Variants in ZNF407 observed in about 807,000 individuals in gnomAD.
The protein encoded by ZNF407 is zinc finger protein 407.
ZNF407 carries 17 observed loss-of-function variants against 131.2 expected under a neutral mutation model. The observed-to-expected ratio is 0.13, with a 90% CI of 0.09 to 0.19. The LOEUF (loss-of-function observed/expected upper bound fraction) is 0.19. Among genes scored for constraint, ZNF407 ranks in the 10% least tolerant of loss-of-function variants. The probability of loss-of-function intolerance (pLI) is 1.00; values close to 1 mark genes in which losing one functional copy is unlikely to be tolerated. For synonymous variants in ZNF407, 1,156 were observed against 1,062.0 expected, an observed-to-expected ratio of 1.09 and a Z score of -1.72; for missense variants, 2,681 against 2,830.6, an observed-to-expected ratio of 0.95 and a Z score of 1.20.
intron 4 of ZNF407, among the ~76,000 whole-genome samples, chr18:74,836,621 C>T (rs763997023): frequency 3.2e-4 from 48 of 152,224 alleles, no homozygotes; most frequent in Non-Finnish European, 6.6e-4. Context: ...TAACCTTCCT[C>T]ATTTTTTACA....
At chr18:74,821,182 C>A (rs1480312222) in intron 4 of ZNF407, among the ~76,000 whole-genome samples, 1 of 151,588 alleles carries the variant, frequency 6.6e-6, no homozygotes, top group Non-Finnish European at 1.5e-5. Flanking sequence ...ATGCCAAAAA[C>A]CGCAGTTACT....
At chr18:74,851,781 C>A (rs148781869) in intron 4 of ZNF407, among the ~76,000 whole-genome samples, 250 of 152,316 alleles carry the variant, frequency 1.6e-3, no homozygotes, top group Middle Eastern at 0.014. Flanking sequence ...AGGACACAAT[C>A]AGCAAGAGTG....
chr18:74,686,055 C>T (rs956096098), intron 3 of ZNF407, among the ~76,000 whole-genome samples: 2 of 152,202 alleles, frequency 1.3e-5, no homozygotes, highest in Non-Finnish European at 2.9e-5. Flanking sequence ...CAATCAAATG[C>T]GTTACATATA....
At position 74,877,271 on chromosome 18, in the gene ZNF407, C is replaced by T. The variant is rs776164748; in HGVS notation, c.4952C>T (p.Thr1651Met). The T allele has an allele frequency of 3.1e-5, 50 of 1,613,840 alleles. No individual in the cohort carries two copies. The highest frequency in any genetic ancestry group is 6.7e-5 in the Admixed American group (4 of 60,014). ...CTGAACAACCACATGAAACTCCACA[C>T]GGGAGAAAAGCCGTTTAAATGTACC... ...WALNNHMKLH[T>M]GEKPFKCTWP... The change falls in exon 5 of 9, where the codon ACG becomes ATG. Residue 1651 changes from threonine (T) to methionine (M), a missense_variant. Around this residue, in one of 6 missense-constraint regions of ZNF407, gnomAD observed 213 missense variants for 332.2 expected, o/e 0.64. Transcript: ENST00000299687.
intron 7 of ZNF407, among the ~76,000 whole-genome samples, chr18:74,918,693 G>A (rs1321988102): frequency 6.6e-6 from 1 of 151,974 alleles, no homozygotes; most frequent in African/African-American, 2.4e-5. Context: ...GAAAATATCT[G>A]TTGTTCTAGT....
At chr18:74,736,759 G>A (rs1025203526) in intron 3 of ZNF407, among the ~76,000 whole-genome samples, 6 of 152,088 alleles carry the variant, frequency 3.9e-5, no homozygotes, top group Non-Finnish European at 7.4e-5. Context: ...TTCTGCAGCC[G>A]ATCTAAATAC....
intron 3 of ZNF407, among the ~76,000 whole-genome samples, chr18:74,755,557 T>TTCCTTCCTTCC (rs1968914491): frequency 1.6e-4 from 1 of 6,162 alleles, no homozygotes; most frequent in Non-Finnish European, 3.7e-4. Context: ...CCCTTCCTTC[T>TTCCTTCCTTCC]TCCTTCCTTC....
At chr18:74,937,676 A>G (rs774446576) in intron 8 of ZNF407, among the ~76,000 whole-genome samples, 15 of 152,226 alleles carry the variant, frequency 9.9e-5, no homozygotes, top group Non-Finnish European at 1.9e-4. Context: ...AGTTTTATGT[A>G]TGAAAACTCA....
chr18:74,648,964 C>T (rs1375930037), intron 3 of ZNF407, among the ~76,000 whole-genome samples: 1 of 152,182 alleles, frequency 6.6e-6, no homozygotes, highest in Non-Finnish European at 1.5e-5. Context: ...AGTGTTCTCC[C>T]TCCGCACCCT....
chr18:74,877,839 G>A (rs1971180985), intron 5 of ZNF407, among the ~76,000 whole-genome samples: 1 of 152,148 alleles, frequency 6.6e-6, no homozygotes, highest in South Asian at 2.1e-4. Context: ...TTTTTCTTCT[G>A]AGGAGGATAC....
At chr18:74,767,209 G>A (rs1969254238) in intron 3 of ZNF407, among the ~76,000 whole-genome samples, 1 of 152,146 alleles carries the variant, frequency 6.6e-6, no homozygotes, top group Non-Finnish European at 1.5e-5. Flanking sequence ...ACCGTGCCTG[G>A]TCCTGACTTC....
intron 3 of ZNF407, among the ~76,000 whole-genome samples, chr18:74,702,668 A>G (rs1967526840): frequency 6.6e-6 from 1 of 152,160 alleles, no homozygotes; most frequent in Non-Finnish European, 1.5e-5. Context: ...TGGTTTATCA[A>G]TCAGAAGCAG....
chr18:74,883,338 CT>C (rs577246538), intron 6 of ZNF407, among the ~76,000 whole-genome samples: 15 of 152,278 alleles, frequency 9.9e-5, no homozygotes, highest in Admixed American at 9.1e-4. Flanking sequence ...AACACACAAC[CT>C]TTTTCCCCCA....
chr18:74,879,108 A>C (rs1048989833), intron 5 of ZNF407, among the ~76,000 whole-genome samples: 1 of 152,188 alleles, frequency 6.6e-6, no homozygotes, highest in Non-Finnish European at 1.5e-5. Context: ...GGAAAGGAAT[A>C]AAAATATATA....
intron 1 of ZNF407, among the ~76,000 whole-genome samples, chr18:74,629,967 A>G (rs2144657259): frequency 6.6e-6 from 1 of 152,256 alleles, no homozygotes; most frequent in Middle Eastern, 3.4e-3. Context: ...TTTGCCATTA[A>G]CCTTCAGACA....
chr18:74,673,899 C>T (rs986989779), intron 3 of ZNF407, among the ~76,000 whole-genome samples: 3 of 152,118 alleles, frequency 2.0e-5, no homozygotes, highest in African/African-American at 7.2e-5. Flanking sequence ...TAAATATTTA[C>T]ATATATCATC....
chr18:75,044,608 C>T (rs1973411358), intron 8 of ZNF407, among the ~76,000 whole-genome samples: 1 of 152,182 alleles, frequency 6.6e-6, no homozygotes, highest in African/African-American at 2.4e-5. Flanking sequence ...TAACCCTGAA[C>T]TATTCCCGTC....
intron 8 of ZNF407, among the ~76,000 whole-genome samples, chr18:74,968,238 T>C (rs1972430941): frequency 6.6e-6 from 1 of 152,244 alleles, no homozygotes; most frequent in Non-Finnish European, 1.5e-5. Flanking sequence ...TTCACCACTT[T>C]GAGTGAGGTA....
At chr18:74,750,616 T>C (rs1968778830) in intron 3 of ZNF407, among the ~76,000 whole-genome samples, 1 of 152,200 alleles carries the variant, frequency 6.6e-6, no homozygotes, top group African/African-American at 2.4e-5. Context: ...CCGTTCATCA[T>C]TTCATGGTCA....
Sources: gnomAD v4.1 joint callset for allele counts (sites outside exome capture counted in the v4.1 genomes callset) on GRCh38, gnomAD v4.1.1 for gene constraint, gnomAD v4.1.1 regional missense constraint, MANE v1.5 for transcripts, NCBI Gene and HGNC (gene_info 2026-07-23, HGNC 2026-07-21) for gene names.